TSNARE1: variants seen among roughly 807,000 people sequenced by gnomAD.
TSNARE1 encodes the protein t-SNARE domain-containing protein 1.
TSNARE1 carries 49 observed loss-of-function variants against 62.0 expected under a neutral mutation model. The ratio of observed to expected loss-of-function variants is 0.79; its 90% CI spans 0.63 to 1.00. The LOEUF (loss-of-function observed/expected upper bound fraction) is 1.00, where lower values mean the gene tolerates loss of function less well. Among genes scored for constraint, TSNARE1 ranks in the 50% least tolerant of loss-of-function variants. The probability of loss-of-function intolerance (pLI) is 0.00; values close to 1 mark genes in which losing one functional copy is unlikely to be tolerated. For missense variants in TSNARE1, 755 were observed against 700.1 expected (o/e 1.08, Z -0.88); for synonymous variants, 328 against 294.4 (o/e 1.11, Z -1.17).
intron 11 of TSNARE1, among the ~76,000 whole-genome samples, chr8:142,279,634 C>T (rs2130749962): frequency 6.6e-6 from 1 of 152,210 alleles, no homozygotes; most frequent in East Asian, 1.9e-4. Flanking sequence ...GCAGCCCTTC[C>T]ACTACCGAGA....
chr8:142,324,447 C>T (rs544535880), intron 6 of TSNARE1, among the ~76,000 whole-genome samples: 3 of 152,154 alleles, frequency 2.0e-5, no homozygotes, highest in African/African-American at 7.2e-5. Flanking sequence ...GAGGAGTCTG[C>T]GAGGCCTGCC....
intron 12 of TSNARE1, among the ~76,000 whole-genome samples, chr8:142,255,620 T>C (rs865989623): frequency 3.3e-4 from 5 of 15,250 alleles, no homozygotes; most frequent in African/African-American, 6.3e-4. Context: ...ACCATCACCA[T>C]CACCACCACC....
At chr8:142,217,375 A>G (rs56722577) in intron 13 of TSNARE1, among the ~76,000 whole-genome samples, 6,697 of 130,382 alleles carry the variant, frequency 0.051, 630 homozygotes, top group African/African-American at 0.22. Context: ...AAGAAAGAAA[A>G]AAGGGAAAGA....
chr8:142,393,236 C>T (rs1343499629), intron 1 of TSNARE1, among the ~76,000 whole-genome samples: 1 of 152,216 alleles, frequency 6.6e-6, no homozygotes, highest in Admixed American at 6.5e-5. Flanking sequence ...AGCCAATCCC[C>T]GGCCACACAC....
chr8:142,212,298 G>C lies in TSNARE1; in HGVS notation c.*27C>G, dbSNP rs1318580425. ...AGAGCCCACACCACAGCCAGCTGAC[G>C]GTTCAGCGGCCGATGCTGCAGATGA... On this transcript the variant is annotated 3_prime_UTR_variant, in exon 14 of 14. Coordinates refer to ENST00000524325, the MANE Select transcript of TSNARE1 (RefSeq NM_145003.5). 2 of 152,286 alleles carry C rather than the reference G, an allele frequency of 1.3e-5. No individual in the cohort carries two copies. The highest frequency in any genetic ancestry group is 2.9e-5 in the Non-Finnish European group (2 of 68,084). The allele number at this position is 152,286 out of a possible 1,614,324, so 9.4% of individuals were successfully genotyped here. A position where few individuals can be genotyped will look rare whatever the true frequency, so the allele number is the denominator to read the frequency against.
At chr8:142,261,343 G>A (rs1419956539) in intron 12 of TSNARE1, among the ~76,000 whole-genome samples, 1 of 122,384 alleles carries the variant, frequency 8.2e-6, no homozygotes, top group Admixed American at 8.0e-5. Context: ...AGGAGGGAGG[G>A]AGGGAGAGTG....
chr8:142,289,859 G>C (rs777529863), intron 10 of TSNARE1, among the ~76,000 whole-genome samples: 2 of 152,234 alleles, frequency 1.3e-5, no homozygotes, highest in Non-Finnish European at 2.9e-5. Flanking sequence ...CGAGAGAGCC[G>C]GGCAGGCGCA....
At chr8:142,389,561 AC>A (rs1837340540) in intron 1 of TSNARE1, among the ~76,000 whole-genome samples, 1 of 152,202 alleles carries the variant, frequency 6.6e-6, no homozygotes, top group Non-Finnish European at 1.5e-5. Context: ...ATCGAAAGTC[AC>A]CTAAATGTCC....
At chr8:142,334,123 A>G (rs532285882) in intron 4 of TSNARE1, among the ~76,000 whole-genome samples, 97 of 152,244 alleles carry the variant, frequency 6.4e-4, no homozygotes, top group Admixed American at 7.8e-4. Flanking sequence ...ATTTTGGCCA[A>G]ACAAAGCCAA....
At chr8:142,282,077 G>C (rs1056458922) in intron 11 of TSNARE1, among the ~76,000 whole-genome samples, 1 of 152,244 alleles carries the variant, frequency 6.6e-6, no homozygotes, top group African/African-American at 2.4e-5. Flanking sequence ...CTTTTCCAGA[G>C]GAACGCAGAG....
At chr8:142,256,333 G>A (rs1279528029) in intron 12 of TSNARE1, among the ~76,000 whole-genome samples, 51 of 2,410 alleles carry the variant, frequency 0.021, no homozygotes, top group Admixed American at 0.034. Flanking sequence ...CACCATCTTT[G>A]CCACCATCAT....
chr8:142,335,685 C>T (rs1242697806), intron 4 of TSNARE1, among the ~76,000 whole-genome samples: 1 of 152,136 alleles, frequency 6.6e-6, no homozygotes, highest in Non-Finnish European at 1.5e-5. Flanking sequence ...AGAGTTAAAG[C>T]CAACATGAAG....
At chr8:142,359,823 G>T (rs1835022406) in intron 1 of TSNARE1, among the ~76,000 whole-genome samples, 1 of 152,238 alleles carries the variant, frequency 6.6e-6, no homozygotes, top group African/African-American at 2.4e-5. Context: ...CATGAAACAT[G>T]CCAGAAGGCC....
intron 1 of TSNARE1, among the ~76,000 whole-genome samples, chr8:142,374,291 C>A (rs532520337): frequency 2.0e-5 from 3 of 149,600 alleles, no homozygotes; most frequent in Non-Finnish European, 4.4e-5. Flanking sequence ...GGAGACAGAG[C>A]GAGACCTAGT....
At chr8:142,258,420 G>T (rs1818696646) in intron 12 of TSNARE1, among the ~76,000 whole-genome samples, 1 of 151,074 alleles carries the variant, frequency 6.6e-6, no homozygotes, top group Admixed American at 6.6e-5. Context: ...TCTTCTCTTC[G>T]CCCCCTGGGC....
chr8:142,306,889 C>T (rs4581170), intron 9 of TSNARE1, among the ~76,000 whole-genome samples: 108,209 of 152,088 alleles, frequency 0.71, 39,042 homozygotes, highest in Non-Finnish European at 0.78. Context: ...TATGACTGCT[C>T]ACAAAGGAAA....
intron 12 of TSNARE1, among the ~76,000 whole-genome samples, chr8:142,230,504 A>T (rs1336237441): frequency 6.6e-6 from 1 of 152,076 alleles, no homozygotes; most frequent in African/African-American, 2.4e-5. Flanking sequence ...AGACAAGAGG[A>T]TGGGTAGAAA....
chr8:142,251,288 C>T (rs1039869387), intron 12 of TSNARE1, among the ~76,000 whole-genome samples: 1 of 151,002 alleles, frequency 6.6e-6, no homozygotes, highest in Non-Finnish European at 1.5e-5. Context: ...CAGGCAGTGT[C>T]GGAGTTTGAG....
chr8:142,221,383 C>T (rs1563753495), intron 13 of TSNARE1, among the ~76,000 whole-genome samples: 1 of 152,252 alleles, frequency 6.6e-6, no homozygotes, highest in Non-Finnish European at 1.5e-5. Flanking sequence ...TCCCGCCACA[C>T]ACTTCCCAAA....
Sources: gnomAD v4.1 joint callset for allele counts (sites outside exome capture counted in the v4.1 genomes callset) on GRCh38, gnomAD v4.1.1 for gene constraint, MANE v1.5 for transcripts, NCBI Gene and HGNC (gene_info 2026-07-23, HGNC 2026-07-21) for gene names.